Variants in ZNF583 observed in about 807,000 individuals in gnomAD.
ZNF583 encodes zinc finger protein 583, also known as zinc finger protein L3-5.
In ZNF583, 30 loss-of-function variants were observed where a neutral mutation model predicts 55.3. The observed-to-expected ratio is 0.54, with a 90% CI of 0.41 to 0.74. ZNF583 has a LOEUF of 0.74. ZNF583 is among the 30% of genes least tolerant of loss of function. The pLI, the probability that ZNF583 is intolerant of heterozygous loss-of-function variation, is 0.00. For synonymous variants in ZNF583, 208 were observed against 220.0 expected (o/e 0.95, Z 0.48); for missense variants, 504 against 664.7 (o/e 0.76, Z 2.66).
intron 4 of ZNF583, among the ~76,000 whole-genome samples, chr19:56,420,623 T>C (rs1216105164): frequency 9.9e-5 from 15 of 152,210 alleles, no homozygotes. Context: ...ATTATTTCTT[T>C]CTGATGAATT....
rs1320860522 is a variant in ZNF583, at chr19:56,421,559, A to G, written c.233-1332A>G. ...CCTTCAGATTCTTTTCCTTCCAAATATCATTATCCACTGTAATATTTAAGT... is the reference window on the plus strand; with the variant it reads ...CCTTCAGATTCTTTTCCTTCCAAATGTCATTATCCACTGTAATATTTAAGT... On this transcript the variant is annotated intron_variant, in intron 4 of 4. Coordinates refer to ENST00000333201, the MANE Select transcript of ZNF583 (RefSeq NM_152478.3). 4 of 923,522 alleles carry G rather than the reference A, an allele frequency of 4.3e-6. No individual in the cohort carries two copies. The Admixed American group carries it at 1.9e-4, about 43-fold the overall frequency. The allele number at this position is 923,522 out of a possible 1,614,324, so 57.2% of individuals were successfully genotyped here. A position where few individuals can be genotyped will look rare whatever the true frequency, so the allele number is the denominator to read the frequency against.
chr19:56,406,530 C>CTTTTTT (rs34274240), intron 1 of ZNF583, among the ~76,000 whole-genome samples: 4 of 115,238 alleles, frequency 3.5e-5, no homozygotes, highest in Non-Finnish European at 6.9e-5. Flanking sequence ...ATGTTGTATT[C>CTTTTTT]TTTTTTTTTT....
At chr19:56,412,054 A>T (rs1279646105) in intron 2 of ZNF583, among the ~76,000 whole-genome samples, 1 of 152,228 alleles carries the variant, frequency 6.6e-6, no homozygotes, top group Non-Finnish European at 1.5e-5. Flanking sequence ...CCTAGCTGGG[A>T]TCCTGGAGTT....
chr19:56,423,327 G>A lies in ZNF583; in HGVS notation c.669G>A (p.Gln223=). 6.2e-7 allele frequency: 1 copy of A among 1,613,458 alleles called. No homozygotes were observed. The highest frequency in any genetic ancestry group is 8.5e-7 in the Non-Finnish European group (1 of 1,179,830). Reference sequence around the variant, plus strand: ...ATGATTGTGAGAAAGTCTTCAACCAGAGCTCATCCCTTACTCTTCATCAGA... The same window carrying A: ...ATGATTGTGAGAAAGTCTTCAACCAAAGCTCATCCCTTACTCTTCATCAGA... The part of the protein sequence containing the change: ...KCNDCEKVFN[Q]SSSLTLHQRI... The change falls in exon 5 of 5, where the codon CAG becomes CAA. Residue 223 remains glutamine, a synonymous_variant. Transcript: ENST00000333201.
chr19:56,423,527 A>C lies in ZNF583; in HGVS notation c.869A>C (p.His290Pro). ...NAHLAQHQRV[H>P]TGEKPYQCKE... ...CACCTGGCCCAACATCAGAGAGTTC[A>C]TACTGGAGAGAAACCTTATCAGTGT... Residue 290 changes from histidine to proline, a missense_variant, in exon 5 of 5, where the codon CAT becomes CCT. By Grantham distance (77) the His-to-Pro change is moderately conservative. This residue lies in a region of ZNF583 where 237 missense variants were observed against 373.0 expected (regional missense o/e 0.64). Coordinates refer to ENST00000333201, the MANE Select transcript of ZNF583 (RefSeq NM_152478.3). 1 of 1,614,094 alleles carries C rather than the reference A, an allele frequency of 6.2e-7. No individual in the cohort carries two copies. Among genetic ancestry groups the C allele is most frequent in the Non-Finnish European group, 8.5e-7 (1 of 1,179,980 alleles).
At position 56,423,738 on chromosome 19, in the gene ZNF583, C is replaced by T; in HGVS notation, c.1080C>T (p.Ala360=). ...ATGTGTGTAATGTGTGTGGGAAAGC[C>T]TTTAGCCATCGTGGATACCTAATTG... The part of the protein sequence containing the change: ...KPYVCNVCGK[A]FSHRGYLIVH... The change falls in exon 5 of 5, where the codon GCC becomes GCT. Residue 360 remains alanine (A), a synonymous_variant. Coordinates refer to ENST00000333201, the MANE Select transcript of ZNF583 (RefSeq NM_152478.3). 6.2e-7 allele frequency: 1 copy of T among 1,612,796 alleles called. No homozygotes were observed. Among genetic ancestry groups the T allele is most frequent in the Non-Finnish European group, 8.5e-7 (1 of 1,179,684 alleles).
At position 56,423,119 on chromosome 19, in the gene ZNF583, A is replaced by C. The variant is rs116521358; in HGVS notation, c.461A>C (p.Gln154Pro). The C allele has an allele frequency of 1.2e-6, 2 of 1,612,022 alleles. No homozygotes were observed. The highest frequency in any genetic ancestry group is 2.7e-5 in the African/African-American group (2 of 74,856). ...ITHKEILPEV[Q>P]NKEYNKSWQT... is the part of the protein sequence containing the mutation. Reference sequence around the variant, plus strand: ...CATAAAGAAATCCTTCCAGAAGTTCAAAATAAAGAATATAACAAATCTTGG... The same window carrying C: ...CATAAAGAAATCCTTCCAGAAGTTCCAAATAAAGAATATAACAAATCTTGG... Residue 154 changes from glutamine to proline, a missense_variant, in exon 5 of 5, where the codon CAA becomes CCA. Coordinates refer to ENST00000333201, the MANE Select transcript of ZNF583 (RefSeq NM_152478.3).
chr19:56,405,937 TA>T (rs1453338537), intron 1 of ZNF583, among the ~76,000 whole-genome samples: 1 of 152,202 alleles, frequency 6.6e-6, no homozygotes, highest in Non-Finnish European at 1.5e-5. Flanking sequence ...TTCTGATCCT[TA>T]AGCCTAGTAG....
intron 4 of ZNF583, among the ~76,000 whole-genome samples, chr19:56,419,351 A>G (rs2042378276): frequency 6.6e-6 from 1 of 151,992 alleles, no homozygotes; most frequent in Non-Finnish European, 1.5e-5. Flanking sequence ...ATGCGCCACC[A>G]TGCCCAGCTA....
chr19:56,412,282 A>G (rs1288188349), intron 2 of ZNF583, among the ~76,000 whole-genome samples: 1 of 152,238 alleles, frequency 6.6e-6, no homozygotes, highest in Non-Finnish European at 1.5e-5. Flanking sequence ...ACCAAGATGC[A>G]TATGCCTAAC....
chr19:56,421,785 A>T (rs1050744553), intron 4 of ZNF583, among the ~76,000 whole-genome samples: 19 of 152,188 alleles, frequency 1.2e-4, no homozygotes, highest in Non-Finnish European at 2.5e-4. Context: ...CTGCACATGA[A>T]TGTTTACATT....
intron 4 of ZNF583, among the ~76,000 whole-genome samples, chr19:56,419,754 GTCTT>G (rs1368633525): frequency 6.6e-6 from 1 of 152,106 alleles, no homozygotes; most frequent in Admixed American, 6.5e-5. Flanking sequence ...GGTAGGCTGT[GTCTT>G]TCAAGAGATT....
rs1419659498 is a variant in ZNF583 at position 56,424,265 on chromosome 19, C to G, written c.1607C>G (p.Ala536Gly). 6.2e-7 allele frequency: 1 copy of G among 1,613,950 alleles called. No homozygotes were observed. The highest frequency in any genetic ancestry group is 2.2e-5 in the East Asian group (1 of 44,850). ...TCTTTCAGGCAGCGTGCACATCTTG[C>G]TCATCATGAGAGAATTCATACTATG... ...RKSFRQRAHLAHHERIHTMES... is the reference protein window; with the variant it reads ...RKSFRQRAHLGHHERIHTMES... The change falls in exon 5 of 5, where the codon GCT becomes GGT. Residue 536 changes from alanine (A) to glycine (G), a missense_variant. Physicochemically the swap from Ala to Gly is moderately conservative, Grantham distance 60. Coordinates refer to ENST00000333201, the MANE Select transcript of ZNF583 (RefSeq NM_152478.3).
In ZNF583 at chr19:56,404,786, A is replaced by C. The variant is rs1195740544; in HGVS notation, c.-90+334A>C. ...CCCGGTGTATGCGGGAGCCTTTGACAGTATATGGGACCGTGTGGGACTGTG... is the reference window on the plus strand; with the variant it reads ...CCCGGTGTATGCGGGAGCCTTTGACCGTATATGGGACCGTGTGGGACTGTG... On this transcript the variant is annotated intron_variant, in intron 1 of 4. Coordinates refer to ENST00000333201, the MANE Select transcript of ZNF583 (RefSeq NM_152478.3). The surrounding 1 kb of genome is among the most constrained non-coding windows in gnomAD (Gnocchi z 5.2). Among the ~76,000 whole-genome samples, 1 of 152,104 alleles carries C rather than the reference A, an allele frequency of 6.6e-6. No individual in the cohort carries two copies.
chr19:56,407,298 T>A (rs1208714890), intron 2 of ZNF583, among the ~76,000 whole-genome samples, 175 bp downstream of exon 2: 1 of 152,234 alleles, frequency 6.6e-6, no homozygotes, highest in Non-Finnish European at 1.5e-5. Context: ...TATCTTTTTT[T>A]CCACAGCCAG....
chr19:56,422,352 A>G (rs2042428786), intron 4 of ZNF583, among the ~76,000 whole-genome samples: 2 of 152,174 alleles, frequency 1.3e-5, no homozygotes, highest in African/African-American at 2.4e-5. Flanking sequence ...GAAAGTTTAC[A>G]TATGGTTGGA....
At chr19:56,413,119 G>C (rs2042263284) in intron 2 of ZNF583, among the ~76,000 whole-genome samples, 1 of 152,134 alleles carries the variant, frequency 6.6e-6, no homozygotes, top group Admixed American at 6.5e-5. Flanking sequence ...CTACAGGAGA[G>C]GAATTTGTGT....
intron 4 of ZNF583, among the ~76,000 whole-genome samples, chr19:56,417,291 ATTC>A (rs1006846891): frequency 3.9e-5 from 6 of 152,222 alleles, no homozygotes; most frequent in African/African-American, 1.4e-4. Flanking sequence ...GAATTATACC[ATTC>A]TTCTAGCAGT....
At chr19:56,410,782 G>A (rs1360013081) in intron 2 of ZNF583, among the ~76,000 whole-genome samples, 1 of 151,912 alleles carries the variant, frequency 6.6e-6, no homozygotes, top group Admixed American at 6.6e-5. Context: ...ATAAGATAGG[G>A]CATAATTATA....
Sources: gnomAD v4.1 joint callset for allele counts (sites outside exome capture counted in the v4.1 genomes callset) on GRCh38, gnomAD v4.1.1 for gene constraint, gnomAD v4.1.1 regional missense constraint, Gnocchi (gnomAD v3.1) non-coding constraint, MANE v1.5 for transcripts, NCBI Gene and HGNC (gene_info 2026-07-23, HGNC 2026-07-21) for gene names.